Variants in CDH18 observed in about 807,000 individuals in gnomAD.
CDH18 encodes cadherin 18, also known as cadherin-18.
CDH18 carries 31 observed loss-of-function variants against 67.9 expected under a neutral mutation model. The ratio of observed to expected loss-of-function variants is 0.46; its 90% CI spans 0.34 to 0.62. CDH18 has a LOEUF of 0.62. Among genes scored for constraint, CDH18 ranks in the 20% least tolerant of loss-of-function variants. CDH18 has a pLI of 0.01. For missense variants in CDH18, 890 were observed against 975.5 expected (o/e 0.91, Z 1.17); for synonymous variants, 362 against 347.2 (o/e 1.04, Z -0.48).
intron 1 of CDH18, among the ~76,000 whole-genome samples, chr5:20,400,338 C>T (rs544420518): frequency 1.2e-4 from 18 of 151,864 alleles, no homozygotes; most frequent in Non-Finnish European, 2.2e-4. Context: ...ATTACCCAGG[C>T]GTGGTGTCAG....
At chr5:20,387,696 C>A (rs1744428109) in intron 1 of CDH18, among the ~76,000 whole-genome samples, 1 of 152,114 alleles carries the variant, frequency 6.6e-6, no homozygotes, top group Admixed American at 6.6e-5. Context: ...ATGATATTGG[C>A]TGTGGGTTTC....
At chr5:19,759,080 G>T (rs1214854671) in intron 3 of CDH18, among the ~76,000 whole-genome samples, 12 of 152,226 alleles carry the variant, frequency 7.9e-5, no homozygotes, top group African/African-American at 2.4e-5. Flanking sequence ...GGAGAAAAAG[G>T]CATTTGCCAA....
intron 1 of CDH18, among the ~76,000 whole-genome samples, chr5:20,380,768 A>G (rs1580867839): frequency 6.6e-6 from 1 of 152,206 alleles, no homozygotes; most frequent in African/African-American, 2.4e-5. Flanking sequence ...CTTTTAAACA[A>G]AATTAAAAAT....
intron 2 of CDH18, among the ~76,000 whole-genome samples, chr5:20,143,371 T>TTTAC (rs1750393298): frequency 6.6e-6 from 1 of 152,036 alleles, no homozygotes; most frequent in African/African-American, 2.4e-5. Context: ...TATTTATTTA[T>TTTAC]TTACTTATTT....
chr5:20,289,303 T>C (rs1013972852), intron 1 of CDH18, among the ~76,000 whole-genome samples: 1 of 152,046 alleles, frequency 6.6e-6, no homozygotes, highest in African/African-American at 2.4e-5. Context: ...AATTATTAAA[T>C]GTTAACTCAC....
chr5:20,512,642 G>C (rs1274223047), intron 1 of CDH18, among the ~76,000 whole-genome samples: 1 of 152,074 alleles, frequency 6.6e-6, no homozygotes, highest in African/African-American at 2.4e-5. Context: ...CCAACACTTT[G>C]GGAGGCTGAG....
At chr5:20,107,941 G>C (rs1473571430) in intron 2 of CDH18, among the ~76,000 whole-genome samples, 4 of 124,954 alleles carry the variant, frequency 3.2e-5, no homozygotes, top group Non-Finnish European at 6.2e-5. Context: ...GTGTTCACAC[G>C]AGGGCCTCCT....
intron 4 of CDH18, among the ~76,000 whole-genome samples, chr5:19,736,631 C>T (rs565765399): frequency 2.8e-4 from 43 of 152,188 alleles, no homozygotes; most frequent in South Asian, 1.9e-3. Context: ...TTCTATACTA[C>T]GTAATAAATT....
At chr5:20,411,980 T>C (rs1033947620) in intron 1 of CDH18, among the ~76,000 whole-genome samples, 1 of 152,194 alleles carries the variant, frequency 6.6e-6, no homozygotes, top group Non-Finnish European at 1.5e-5. Context: ...ACAGATTCAC[T>C]GCAATTTCTA....
intron 2 of CDH18, among the ~76,000 whole-genome samples, chr5:20,075,427 G>A (rs987115927): frequency 2.0e-5 from 3 of 152,010 alleles, no homozygotes; most frequent in African/African-American, 7.2e-5. Flanking sequence ...AGCTCAAACC[G>A]AGGAGATGAA....
intron 1 of CDH18, among the ~76,000 whole-genome samples, chr5:20,558,417 A>G (rs2126640181): frequency 6.6e-6 from 1 of 152,242 alleles, no homozygotes; most frequent in East Asian, 1.9e-4. Flanking sequence ...AAGTGAGAAG[A>G]ACTTGGCATT....
At chr5:19,600,314 T>C (rs1472759140) in intron 6 of CDH18, among the ~76,000 whole-genome samples, 6 of 151,854 alleles carry the variant, frequency 4.0e-5, no homozygotes, top group Non-Finnish European at 5.9e-5. Flanking sequence ...AACCTGCACG[T>C]TGTGCACATC....
At chr5:20,179,114 G>C (rs1442012012) in intron 2 of CDH18, among the ~76,000 whole-genome samples, 1 of 152,082 alleles carries the variant, frequency 6.6e-6, no homozygotes, top group East Asian at 1.9e-4. Context: ...ATGTACGTTA[G>C]AGGAAAGTGA....
chr5:19,799,590 A>G (rs1442723351), intron 3 of CDH18, among the ~76,000 whole-genome samples: 2 of 152,030 alleles, frequency 1.3e-5, no homozygotes, highest in Non-Finnish European at 2.9e-5. Context: ...TGTATACATT[A>G]TCTAGGAGTA....
chr5:19,530,670 G>A (rs542419889), intron 9 of CDH18, among the ~76,000 whole-genome samples: 1 of 152,144 alleles, frequency 6.6e-6, no homozygotes, highest in African/African-American at 2.4e-5. Flanking sequence ...ACCTATGAGT[G>A]AGAACATGCG....
At position 19,472,621 on chromosome 5, in the gene CDH18, T is replaced by G. The variant is rs1332902995; in HGVS notation, c.*605A>C. Among the ~76,000 whole-genome samples the G allele has an allele frequency of 2.6e-5, 4 of 152,034 alleles. No individual in the cohort carries two copies. The East Asian group carries it at 7.7e-4, about 29-fold the overall frequency. On this transcript the variant is annotated 3_prime_UTR_variant, in exon 13 of 13. Transcript: ENST00000382275. ...TAGTGCAGGCAGCAAATCCCCATGCTCCATCAGTTTTGTATGGAGAAAAGA... is the reference window on the plus strand; with the variant it reads ...TAGTGCAGGCAGCAAATCCCCATGCGCCATCAGTTTTGTATGGAGAAAAGA...
intron 2 of CDH18, among the ~76,000 whole-genome samples, chr5:20,157,872 C>T (rs1751668177): frequency 6.6e-6 from 1 of 151,990 alleles, no homozygotes; most frequent in South Asian, 2.1e-4. Context: ...GATCTCCTGA[C>T]CTTGTGATCT....
chr5:20,327,474 C>T (rs981866582), intron 1 of CDH18, among the ~76,000 whole-genome samples: 3 of 151,944 alleles, frequency 2.0e-5, no homozygotes, highest in African/African-American at 7.3e-5. Flanking sequence ...CCTCTTTTTT[C>T]CCTCCTGCTT....
intron 1 of CDH18, among the ~76,000 whole-genome samples, chr5:20,310,079 T>G (rs925690820): frequency 8.5e-5 from 13 of 152,144 alleles, no homozygotes; most frequent in Admixed American, 2.6e-4. Flanking sequence ...TTGTGAATTG[T>G]GATGCTGTTA....
Sources: gnomAD v4.1 joint callset for allele counts (sites outside exome capture counted in the v4.1 genomes callset) on GRCh38, gnomAD v4.1.1 for gene constraint, MANE v1.5 for transcripts, NCBI Gene and HGNC (gene_info 2026-07-23, HGNC 2026-07-21) for gene names.